ZEB1: variants seen among roughly 807,000 people sequenced by gnomAD.
ZEB1 encodes zinc finger E-box-binding homeobox 1.
ZEB1 carries 21 observed loss-of-function variants against 84.9 expected under a neutral mutation model. The observed-to-expected ratio is 0.25, with a 90% CI of 0.18 to 0.36. The LOEUF (loss-of-function observed/expected upper bound fraction) is 0.36. Ranked by LOEUF, ZEB1 falls within the 10% of genes least tolerant of loss-of-function variation. The probability of loss-of-function intolerance (pLI) is 1.00; values close to 1 mark genes in which losing one functional copy is unlikely to be tolerated. For missense variants in ZEB1, 1,104 were observed against 1,330.2 expected (o/e 0.83, Z 2.65); for synonymous variants, 420 against 471.1 (o/e 0.89, Z 1.41).
Position 31,461,052 on chromosome 10 carries a change from C to G in ZEB1, c.74C>G (p.Thr25Ser), listed in dbSNP as rs1244005876. The G allele has an allele frequency of 1.9e-6, 3 of 1,612,384 alleles. No individual in the cohort carries two copies. Among genetic ancestry groups the G allele is most frequent in the Non-Finnish European group, 2.5e-6 (3 of 1,178,930 alleles). Residue 25 changes from threonine to serine, a missense_variant, in exon 2 of 9, where the codon ACT becomes AGT. By Grantham distance (58) the Thr-to-Ser change is moderately conservative (BLOSUM62 1). Transcript: ENST00000424869. ...TGTATTACAGTTACAAATTATAATA[C>G]TGTGGTAGAAACAAATTCAGATTCA... ...PRRNNVTNYN[T>S]VVETNSDSDD...
chr10:31,444,670 A>G (rs988445056), intron 1 of ZEB1, among the ~76,000 whole-genome samples: 1 of 152,084 alleles, frequency 6.6e-6, no homozygotes, highest in African/African-American at 2.4e-5. Flanking sequence ...TTAAATAGGG[A>G]ATCCTTTCCC....
At chr10:31,363,472 G>C in intron 1 of ZEB1, 3 of 1,532,492 alleles carry the variant, frequency 2.0e-6, no homozygotes, top group Non-Finnish European at 2.6e-6. Context: ...GTTTCCCTGA[G>C]TCTCCAGGGG....
In ZEB1 at chr10:31,521,923, C is replaced by T. The variant is rs202145455; in HGVS notation, c.2591C>T (p.Pro864Leu). Residue 864 changes from proline to leucine, a missense_variant, in exon 7 of 9, where the codon CCA (proline) becomes CTA (leucine). Physicochemically the swap from Pro to Leu is moderately conservative, Grantham distance 98 (BLOSUM62 -3). This residue lies in a region of ZEB1 where 531 missense variants were observed against 575.2 expected (regional missense o/e 0.92). Coordinates refer to ENST00000424869, the MANE Select transcript of ZEB1 (RefSeq NM_001174096.2). Reference protein sequence around the residue: ...VQEPPLKVIQPNGNQDERQDT... With the variant: ...VQEPPLKVIQLNGNQDERQDT... The stretch of plus-strand genomic sequence containing the variant: ...GAACCACCCTTGAAAGTGATCCAGC[C>T]AAATGGAAATCAGGTAAAAAATAAC... The T allele has an allele frequency of 1.2e-6, 2 of 1,613,842 alleles. No homozygotes were observed. Among genetic ancestry groups the T allele is most frequent in the East Asian group, 4.5e-5 (2 of 44,846 alleles).
At position 31,366,682 on chromosome 10, in the gene ZEB1, G is replaced by A. The variant is rs148564992; in HGVS notation, c.58+47390G>A. Among the ~76,000 whole-genome samples, 136 of 152,288 alleles carry A rather than the reference G, an allele frequency of 8.9e-4. 1 individual carries two copies. Among genetic ancestry groups the A allele is most frequent in the African/African-American group, 3.1e-3 (130 of 41,552 alleles). Reference sequence around the variant, plus strand: ...CAAGTTTCTGCTTTGTGCTCACACTGTTTTCTTTGACCTGAAATGCAATTT... The same window carrying A: ...CAAGTTTCTGCTTTGTGCTCACACTATTTTCTTTGACCTGAAATGCAATTT... On this transcript the variant is annotated intron_variant, in intron 1 of 8. Coordinates refer to ENST00000424869, the MANE Select transcript of ZEB1 (RefSeq NM_001174096.2).
At chr10:31,385,651 C>G (rs565937296) in intron 1 of ZEB1, among the ~76,000 whole-genome samples, 43 of 152,116 alleles carry the variant, frequency 2.8e-4, no homozygotes, top group African/African-American at 8.4e-4. Context: ...CTTAGCCCCC[C>G]CAAGTAACTG....
chr10:31,359,280 A>G (rs1564575117), intron 1 of ZEB1, among the ~76,000 whole-genome samples: 1 of 152,108 alleles, frequency 6.6e-6, no homozygotes. Context: ...TTTAAAATGC[A>G]AAGTTGTCTC....
At chr10:31,390,677 A>G (rs1006356557) in intron 1 of ZEB1, among the ~76,000 whole-genome samples, 1 of 152,162 alleles carries the variant, frequency 6.6e-6, no homozygotes, top group African/African-American at 2.4e-5. Context: ...CATCTGTCAC[A>G]TAAACCTCTG....
chr10:31,458,338 G>T (rs1622529), intron 1 of ZEB1, among the ~76,000 whole-genome samples: 32 of 139,722 alleles, frequency 2.3e-4, no homozygotes, highest in African/African-American at 6.3e-4. Flanking sequence ...TGTGTGTGTT[G>T]TGTGTGTGTG....
chr10:31,464,858 C>A (rs1004897713), intron 2 of ZEB1, among the ~76,000 whole-genome samples: 2 of 152,064 alleles, frequency 1.3e-5, no homozygotes, highest in Non-Finnish European at 2.9e-5. Context: ...AAACCTGCTT[C>A]GTAAGAAAAA....
At chr10:31,393,443 A>C (rs1008378370) in intron 1 of ZEB1, among the ~76,000 whole-genome samples, 4 of 152,178 alleles carry the variant, frequency 2.6e-5, no homozygotes, top group African/African-American at 4.8e-5. Context: ...CTTTGTATTC[A>C]TCAAATTATT....
At chr10:31,511,329 G>C (rs952756944) in intron 5 of ZEB1, among the ~76,000 whole-genome samples, 1 of 151,912 alleles carries the variant, frequency 6.6e-6, no homozygotes, top group Non-Finnish European at 1.5e-5. Flanking sequence ...TAAGCTACGT[G>C]GTTTTTTTCC....
intron 5 of ZEB1, among the ~76,000 whole-genome samples, chr10:31,513,078 T>G (rs946116295): frequency 6.6e-6 from 1 of 152,160 alleles, no homozygotes; most frequent in African/African-American, 2.4e-5. Context: ...ATTTTTAATT[T>G]TTATTTTTAG....
intron 1 of ZEB1, among the ~76,000 whole-genome samples, chr10:31,349,099 T>A (rs1399114809): frequency 1.3e-5 from 2 of 152,168 alleles, no homozygotes; most frequent in Non-Finnish European, 2.9e-5. Flanking sequence ...AGCCTCTGGT[T>A]ACCACCATTC....
chr10:31,499,071 A>G (rs1366029810), intron 3 of ZEB1, among the ~76,000 whole-genome samples: 2 of 152,156 alleles, frequency 1.3e-5, no homozygotes, highest in Non-Finnish European at 2.9e-5. Context: ...CAATGAAAAT[A>G]TTTTAATGTC....
intron 1 of ZEB1, among the ~76,000 whole-genome samples, chr10:31,442,436 G>A (rs937387719): frequency 3.9e-5 from 6 of 152,090 alleles, no homozygotes; most frequent in East Asian, 1.9e-4. Context: ...GAGGGATAGC[G>A]TTAGGAGATA....
At chr10:31,490,913 T>A (rs1236686519) in intron 2 of ZEB1, among the ~76,000 whole-genome samples, 1 of 151,802 alleles carries the variant, frequency 6.6e-6, no homozygotes, top group African/African-American at 2.4e-5. Context: ...GTATATAGGT[T>A]TTGATTCCAC....
intron 2 of ZEB1, among the ~76,000 whole-genome samples, chr10:31,471,182 CATA>C (rs565677878): frequency 0.014 from 1,757 of 122,998 alleles, 34 homozygotes; most frequent in African/African-American, 0.052. Flanking sequence ...CTGCTAACAT[CATA>C]ATGACAGGAT....
chr10:31,436,140 T>C (rs116434318), intron 1 of ZEB1, among the ~76,000 whole-genome samples: 189 of 152,274 alleles, frequency 1.2e-3, no homozygotes, highest in African/African-American at 4.3e-3. Context: ...TTATTCGCCA[T>C]GTATGGGAGT....
At chr10:31,362,639 A>G (rs979549391) in intron 1 of ZEB1, among the ~76,000 whole-genome samples, 12 of 151,766 alleles carry the variant, frequency 7.9e-5, no homozygotes, top group Admixed American at 5.9e-4. Flanking sequence ...CACTGCCCAG[A>G]TGGTGCGGTG....
Sources: gnomAD v4.1 joint callset for allele counts (sites outside exome capture counted in the v4.1 genomes callset) on GRCh38, gnomAD v4.1.1 for gene constraint, gnomAD v4.1.1 regional missense constraint, MANE v1.5 for transcripts, NCBI Gene and HGNC (gene_info 2026-07-23, HGNC 2026-07-21) for gene names.